JPH3: variants seen among roughly 807,000 people sequenced by gnomAD.
The protein encoded by JPH3 is junctophilin 3.
JPH3 carries 11 observed loss-of-function variants against 59.6 expected under a neutral mutation model. The observed-to-expected ratio is 0.18, with a 90% confidence interval of 0.12 to 0.31. The LOEUF is 0.31. JPH3 is among the 10% of genes least tolerant of loss of function. JPH3 has a pLI of 1.00. For synonymous variants in JPH3, 673 were observed against 483.6 expected, an observed-to-expected ratio of 1.39 and a Z score of -5.14; for missense variants, 1,202 against 1,105.7, an observed-to-expected ratio of 1.09 and a Z score of -1.24.
At chr16:87,686,009 A>C (rs1400495939) in intron 3 of JPH3, among the ~76,000 whole-genome samples, 1 of 152,156 alleles carries the variant, frequency 6.6e-6, no homozygotes, top group Non-Finnish European at 1.5e-5. Context: ...AAGAGACAGA[A>C]GAGGAGGAGA....
intron 3 of JPH3, 141 bp from the exon 4 acceptor site, chr16:87,689,505 C>T: frequency 1.1e-6 from 1 of 913,188 alleles, no homozygotes; most frequent in Non-Finnish European, 1.7e-6. Context: ...CCACTCCCCT[C>T]CCTTGCCTGC....
At chr16:87,607,635 C>CA (rs2030573937) in intron 1 of JPH3, among the ~76,000 whole-genome samples, 1 of 152,254 alleles carries the variant, frequency 6.6e-6, no homozygotes, top group African/African-American at 2.4e-5. Flanking sequence ...ATTTTAAACA[C>CA]ACGTTTATGC....
chr16:87,646,140 A>C (rs1455523101), intron 2 of JPH3, among the ~76,000 whole-genome samples: 1 of 152,238 alleles, frequency 6.6e-6, no homozygotes, highest in Non-Finnish European at 1.5e-5. Flanking sequence ...AGCCAGGGGC[A>C]GACCTGGAGT....
intron 2 of JPH3, among the ~76,000 whole-genome samples, chr16:87,665,674 G>A (rs919278893): frequency 2.6e-5 from 4 of 152,230 alleles, no homozygotes; most frequent in Admixed American, 2.0e-4. Context: ...GCAGGCCTAG[G>A]AGAGGCACTC....
At chr16:87,657,827 C>G (rs940711836) in intron 2 of JPH3, among the ~76,000 whole-genome samples, 1 of 152,168 alleles carries the variant, frequency 6.6e-6, no homozygotes, top group African/African-American at 2.4e-5. Flanking sequence ...GTGACCACAC[C>G]TAGCTGCAAG....
rs187309951 is a variant in JPH3, at chr16:87,635,323, G to A, written c.383-8935G>A. Among the ~76,000 whole-genome samples the A allele has an allele frequency of 4.8e-3, 729 of 152,286 alleles. 10 individuals are homozygous for A. The highest frequency in any genetic ancestry group is 0.016 in the African/African-American group (675 of 41,560). ...CTCTCCAGCTGGGACCCCGGGCTCC[G>A]AAACTAAAGTTTTGGGAAGAGTGTC... On this transcript the variant is annotated intron_variant, in intron 1 of 4. Coordinates refer to ENST00000284262, the MANE Select transcript of JPH3 (RefSeq NM_020655.4).
chr16:87,683,886 G>A (rs974085904), intron 2 of JPH3: 4 of 453,738 alleles, frequency 8.8e-6, no homozygotes, highest in South Asian at 5.8e-5. Context: ...GATTACAGGC[G>A]TGAGCCACCA....
intron 4 of JPH3, among the ~76,000 whole-genome samples, chr16:87,691,578 G>A (rs968437543): frequency 1.3e-5 from 2 of 152,144 alleles, no homozygotes; most frequent in Non-Finnish European, 2.9e-5. Flanking sequence ...TGACCTAGGG[G>A]AGCTGTGGTT....
intron 1 of JPH3, chr16:87,604,457 A>T: frequency 7.3e-7 from 1 of 1,374,882 alleles, no homozygotes; most frequent in Non-Finnish European, 9.6e-7. Flanking sequence ...GCCAGACCCC[A>T]AACAAACTGG....
At chr16:87,606,582 G>A (rs2030530087) in intron 1 of JPH3, among the ~76,000 whole-genome samples, 1 of 152,132 alleles carries the variant, frequency 6.6e-6, no homozygotes. Context: ...TTGTGACCCT[G>A]GTTGGATTAC....
chr16:87,662,972 A>T (rs1424116981), intron 2 of JPH3, among the ~76,000 whole-genome samples: 1 of 152,160 alleles, frequency 6.6e-6, no homozygotes, highest in African/African-American at 2.4e-5. Context: ...TGAGCTCACT[A>T]ATCTCAGCCG....
At chr16:87,621,548 C>G (rs1476079350) in intron 1 of JPH3, among the ~76,000 whole-genome samples, 4 of 152,222 alleles carry the variant, frequency 2.6e-5, no homozygotes, top group Non-Finnish European at 5.9e-5. Flanking sequence ...CGTGATTCTC[C>G]TCTGAGAGAA....
chr16:87,630,993 A>T (rs78092767), intron 1 of JPH3, among the ~76,000 whole-genome samples: 2,349 of 152,274 alleles, frequency 0.015, 87 homozygotes, highest in East Asian at 0.14. Context: ...CTCATGCATA[A>T]CTTGAGTTAG....
intron 2 of JPH3, among the ~76,000 whole-genome samples, chr16:87,667,132 C>T (rs961679741): frequency 2.6e-5 from 4 of 152,222 alleles, no homozygotes; most frequent in African/African-American, 4.8e-5. Flanking sequence ...GGAGTGGCCA[C>T]GTCACTTGTT....
chr16:87,683,402 T>C (rs1293954730), intron 2 of JPH3, among the ~76,000 whole-genome samples: 1 of 151,990 alleles, frequency 6.6e-6, no homozygotes, highest in Non-Finnish European at 1.5e-5. Context: ...CCTCCCAGGT[T>C]CAAGCAATTC....
intron 1 of JPH3, among the ~76,000 whole-genome samples, chr16:87,610,994 G>A (rs1345412793): frequency 2.0e-5 from 3 of 152,312 alleles, no homozygotes; most frequent in Admixed American, 6.5e-5. Flanking sequence ...AGTTCAGACC[G>A]TGTTCAAGGC....
At chr16:87,656,714 C>A (rs2032514033) in intron 2 of JPH3, among the ~76,000 whole-genome samples, 1 of 152,178 alleles carries the variant, frequency 6.6e-6, no homozygotes, top group Admixed American at 6.5e-5. Flanking sequence ...CCCTACGTGC[C>A]ATGGGCATGT....
chr16:87,641,245 T>A (rs939868197), intron 1 of JPH3, among the ~76,000 whole-genome samples: 4 of 152,162 alleles, frequency 2.6e-5, no homozygotes, highest in Non-Finnish European at 4.4e-5. Flanking sequence ...GCTCTTGGCA[T>A]CCTGTAGGAG....
At chr16:87,668,093 G>A (rs559285960) in intron 2 of JPH3, among the ~76,000 whole-genome samples, 17 of 152,320 alleles carry the variant, frequency 1.1e-4, no homozygotes, top group African/African-American at 2.9e-4. Context: ...TGAGCAGAGC[G>A]CAGCGCCCGG....
Sources: gnomAD v4.1 joint callset for allele counts (sites outside exome capture counted in the v4.1 genomes callset) on GRCh38, gnomAD v4.1.1 for gene constraint, MANE v1.5 for transcripts, NCBI Gene and HGNC (gene_info 2026-07-23, HGNC 2026-07-21) for gene names.